The following SLC6A9 variants were observed in gnomAD, a reference collection of about 807,000 sequenced individuals.
The protein encoded by SLC6A9 is solute carrier family 6 member 9, also known as sodium- and chloride-dependent glycine transporter 1.
In SLC6A9, 31 loss-of-function variants were observed where a neutral mutation model predicts 70.9. That is an observed-to-expected ratio of 0.44 (90% confidence interval 0.33 to 0.59). SLC6A9 has a LOEUF of 0.59. SLC6A9 is among the 20% of genes least tolerant of loss of function. SLC6A9 has a pLI of 0.04. For synonymous variants in SLC6A9, 310 were observed against 341.3 expected (o/e 0.91, Z 1.01); for missense variants, 631 against 845.2 (o/e 0.75, Z 3.14).
chr1:44,003,616 C>T (rs992038061), intron 5 of SLC6A9, among the ~76,000 whole-genome samples: 2 of 151,966 alleles, frequency 1.3e-5, no homozygotes, highest in Admixed American at 1.3e-4. Context: ...GCCATGATGG[C>T]GGGTGCCTGT....
intron 5 of SLC6A9, among the ~76,000 whole-genome samples, chr1:44,006,014 C>T (rs1303544129): frequency 6.6e-6 from 1 of 152,200 alleles, no homozygotes; most frequent in Non-Finnish European, 1.5e-5. Flanking sequence ...CCTGGGTGGG[C>T]CCAGGGCTGG....
chr1:44,014,462 C>A (rs955094015), intron 2 of SLC6A9, among the ~76,000 whole-genome samples: 30 of 152,206 alleles, frequency 2.0e-4, no homozygotes, highest in African/African-American at 6.3e-4. Context: ...CCCATACACA[C>A]ACACACACAC....
intron 1 of SLC6A9, among the ~76,000 whole-genome samples, chr1:44,030,149 G>A (rs2087072555): frequency 6.6e-6 from 1 of 152,122 alleles, no homozygotes; most frequent in South Asian, 2.1e-4. Context: ...CCGGCCGGCG[G>A]GCAGGGGCGC....
chr1:43,998,982 A>AAG (rs141440577), intron 12 of SLC6A9, among the ~76,000 whole-genome samples: 29 of 134,576 alleles, frequency 2.2e-4, no homozygotes, highest in Non-Finnish European at 2.9e-4. Flanking sequence ...TGGCGGGGGA[A>AAG]GGGGGGGGGC....
chr1:44,002,778 C>A lies in SLC6A9; in HGVS notation c.723+75G>T. The A allele has an allele frequency of 6.3e-7, 1 of 1,596,478 alleles. No homozygotes were observed. Among genetic ancestry groups the A allele is most frequent in the Non-Finnish European group, 8.6e-7 (1 of 1,165,740 alleles). ...GAGTCCCTTCAGCATCCCCTCCCTG[C>A]AATACACACATAACCCAGGTAGGGG... On this transcript the variant is annotated intron_variant, in intron 6 of 13. Coordinates refer to ENST00000372310, the MANE Select transcript of SLC6A9 (RefSeq NM_001024845.3). The surrounding 1 kb of genome is among the most constrained non-coding windows in gnomAD (Gnocchi z 5.5).
At chr1:44,019,031 A>G (rs1205778371) in intron 2 of SLC6A9, among the ~76,000 whole-genome samples, 1 of 152,232 alleles carries the variant, frequency 6.6e-6, no homozygotes, top group Non-Finnish European at 1.5e-5. Context: ...GTTTCTCACC[A>G]TATATAACCT....
intron 5 of SLC6A9, among the ~76,000 whole-genome samples, 191 bp downstream of exon 5, chr1:44,008,162 C>G (rs2086389393): frequency 6.6e-6 from 1 of 152,200 alleles, no homozygotes; most frequent in African/African-American, 2.4e-5. Flanking sequence ...GCCACCGTGC[C>G]CGGCCTCCAT....
intron 5 of SLC6A9, among the ~76,000 whole-genome samples, chr1:44,006,404 A>G (rs1005138156): frequency 1.2e-4 from 18 of 152,046 alleles, no homozygotes; most frequent in African/African-American, 3.9e-4. Context: ...CCCGGCCAAC[A>G]TGTTGAAACC....
chr1:44,023,830 CA>C (rs1262194673), intron 2 of SLC6A9, among the ~76,000 whole-genome samples: 1 of 152,014 alleles, frequency 6.6e-6, no homozygotes, highest in East Asian at 1.9e-4. Flanking sequence ...GGAGAGGATT[CA>C]AAACAAAATG....
At chr1:44,003,748 CAAAAA>C (rs34308293) in intron 5 of SLC6A9, among the ~76,000 whole-genome samples, 3 of 71,958 alleles carry the variant, frequency 4.2e-5, no homozygotes, top group East Asian at 4.0e-4. Flanking sequence ...AGTCCAATCT[CAAAAA>C]AAAAAAAAAA....
intron 1 of SLC6A9, among the ~76,000 whole-genome samples, chr1:44,031,016 T>G (rs2087105506): frequency 1.3e-5 from 1 of 74,850 alleles, no homozygotes; most frequent in South Asian, 5.4e-4. Flanking sequence ...ACGCAGGAGC[T>G]CCCCCCACTT....
intron 2 of SLC6A9, 50 bp from the exon 3 acceptor site, chr1:44,010,932 G>A: frequency 6.3e-7 from 1 of 1,598,100 alleles, no homozygotes; most frequent in Non-Finnish European, 8.6e-7. Context: ...TGTGCTCCAT[G>A]CCTGACCCTC....
intron 4 of SLC6A9, 78 bp from the exon 5 acceptor site, chr1:44,008,701 T>C: frequency 8.5e-7 from 1 of 1,172,864 alleles, no homozygotes; most frequent in Non-Finnish European, 1.2e-6. Flanking sequence ...CTTTTTTTTC[T>C]TTTCTTTTCT....
At position 43,997,843 on chromosome 1, in the gene SLC6A9, C is replaced by T. The variant is rs759187088; in HGVS notation, c.1707+12G>A. 9 of 1,602,800 alleles carry T rather than the reference C, an allele frequency of 5.6e-6. No homozygotes were observed. The highest frequency in any genetic ancestry group is 5.6e-5 in the South Asian group (5 of 89,786). On this transcript the variant is annotated intron_variant, in intron 13 of 13. Transcript: ENST00000372310. This position sits in a 1 kb window ranked among gnomAD's most constrained non-coding sequence, Gnocchi z 4.4. ...CATTTTGCCTGGCTACCCAGCCTGT[C>T]CCTGCCCTCACCTGGAGGAGGGTGT...
rs1255266958 is a variant in SLC6A9, at chr1:44,002,190, T to A, written c.962+123A>T. 2 of 700,616 alleles carry A rather than the reference T, an allele frequency of 2.9e-6. No individual in the cohort carries two copies. Among genetic ancestry groups the A allele is most frequent in the Non-Finnish European group, 5.2e-6 (2 of 384,252 alleles). 43.4% of individuals were successfully genotyped at this position (700,616 alleles called of 1,614,324 possible). A position where few individuals can be genotyped will look rare whatever the true frequency, so the allele number is the denominator to read the frequency against. On this transcript the variant is annotated intron_variant, in intron 8 of 13. Transcript: ENST00000372310. The surrounding 1 kb of genome is among the most constrained non-coding windows in gnomAD (Gnocchi z 5.5). ...CAACAACTTTATCCAGAACCAGTAT[T>A]CCCAGAACCTCAAGATCATGAGGGG...
At chr1:44,027,792 A>AC (rs2087008586) in intron 1 of SLC6A9, among the ~76,000 whole-genome samples, 1 of 152,190 alleles carries the variant, frequency 6.6e-6, no homozygotes, top group Admixed American at 6.5e-5. Context: ...CCTGGCTAAC[A>AC]TGGTGAAGGC....
intron 1 of SLC6A9, among the ~76,000 whole-genome samples, chr1:44,025,759 G>A (rs1467370013): frequency 1.3e-5 from 2 of 150,058 alleles, no homozygotes; most frequent in African/African-American, 4.9e-5. Flanking sequence ...GAGATTGCGC[G>A]ACTGCACTCT....
chr1:44,007,750 A>G (rs2086369921), intron 5 of SLC6A9, among the ~76,000 whole-genome samples: 1 of 152,078 alleles, frequency 6.6e-6, no homozygotes, highest in Non-Finnish European at 1.5e-5. Flanking sequence ...GCCTTTGCCC[A>G]CACTCTTCTT....
In SLC6A9 at chr1:44,010,029, G is replaced by A; in HGVS notation, c.255C>T (p.Leu85=). The part of the protein sequence containing the change: ...FCGIPLFFME[L]SFGQFASQGC... ...CCTGGCTTGCAAACTGGCCGAAGGA[G>A]AGCTCCATGAAGAAGAGGGGGATCC... is the stretch of plus-strand genomic sequence containing the variant. The change falls in exon 4 of 14, where the codon CTC becomes CTT. Residue 85 remains leucine, a synonymous_variant. Coordinates refer to ENST00000372310, the MANE Select transcript of SLC6A9 (RefSeq NM_001024845.3). 6.2e-7 allele frequency: 1 copy of A among 1,614,154 alleles called. No individual in the cohort carries two copies.
Sources: allele counts gnomAD v4.1 joint callset (sites outside exome capture counted in the v4.1 genomes callset), GRCh38; gene constraint gnomAD v4.1.1; non-coding constraint Gnocchi (gnomAD v3.1); transcripts MANE v1.5; gene names NCBI Gene and HGNC (gene_info 2026-07-23, HGNC 2026-07-21).